The following CDK14 variants were observed in gnomAD, a reference collection of about 807,000 sequenced individuals.
CDK14 encodes the protein cyclin dependent kinase 14, also known as cyclin-dependent kinase 14.
CDK14 carries 34 observed loss-of-function variants against 60.7 expected under a neutral mutation model. That is an observed-to-expected ratio of 0.56 (90% CI 0.43 to 0.75). The LOEUF is 0.75. Ranked by LOEUF, CDK14 falls within the 30% of genes least tolerant of loss-of-function variation. The pLI, the probability that CDK14 is intolerant of heterozygous loss-of-function variation, is 0.00. For missense variants in CDK14, 482 were observed against 564.1 expected, an observed-to-expected ratio of 0.85 and a Z score of 1.47; for synonymous variants, 197 against 203.7, an observed-to-expected ratio of 0.97 and a Z score of 0.28.
In CDK14 at chr7:90,955,834, T is replaced by C; in HGVS notation, c.947+17T>C. 4.3e-6 allele frequency: 7 copies of C among 1,611,838 alleles called. No homozygotes were observed. Among genetic ancestry groups the C allele is most frequent in the Non-Finnish European group, 5.9e-6 (7 of 1,178,578 alleles). On this transcript the variant is annotated intron_variant, in intron 9 of 14. Transcript: ENST00000380050. ...TGACATGTGGTGAGAAATGGAAGCT[T>C]TACTCTAGCTAATCTATCTGTAGTG...
In CDK14 at chr7:91,010,785, T is replaced by C. The variant is rs1225909218; in HGVS notation, c.1041+26544T>C. ...CTTTCCTTCCTTCTTTCCTTCCTTC[T>C]TTCCCTCCTTCCTTCTTTCCTTCCT... is the stretch of plus-strand genomic sequence containing the variant. On this transcript the variant is annotated intron_variant, in intron 10 of 14. Coordinates refer to ENST00000380050, the MANE Select transcript of CDK14 (RefSeq NM_001287135.2). Among the ~76,000 whole-genome samples, 843 of 130,408 alleles carry C rather than the reference T, an allele frequency of 6.5e-3. 8 individuals carry two copies. The highest frequency in any genetic ancestry group is 0.025 in the African/African-American group (780 of 31,380). The allele number at this position is 130,408 out of a possible 152,430, so 85.6% of individuals were successfully genotyped here.
At position 90,694,782 on chromosome 7, in the gene CDK14, G is replaced by C. The variant is rs759091838; in HGVS notation, c.124-31785G>C. Among the ~76,000 whole-genome samples the C allele has an allele frequency of 1.6e-4, 24 of 152,320 alleles. No homozygotes were observed. In the Middle Eastern group the frequency reaches 0.014, roughly 86 times the overall value. On this transcript the variant is annotated intron_variant, in intron 2 of 14. Coordinates refer to ENST00000380050, the MANE Select transcript of CDK14 (RefSeq NM_001287135.2). The stretch of plus-strand genomic sequence containing the variant: ...TTAAAAATTGAAAATATTCAAATGA[G>C]AACATGCTGAGAAAATATTTCATGG...
chr7:90,701,583 A>G (rs1801787853), intron 2 of CDK14, among the ~76,000 whole-genome samples: 1 of 152,184 alleles, frequency 6.6e-6, no homozygotes, highest in Non-Finnish European at 1.5e-5. Context: ...AAAACAAGAC[A>G]TCTATTAAGT....
intron 5 of CDK14, among the ~76,000 whole-genome samples, chr7:90,836,672 TATTATC>T (rs1394935154): frequency 6.6e-6 from 1 of 152,224 alleles, no homozygotes; most frequent in African/African-American, 2.4e-5. Context: ...CATAGTCATT[TATTATC>T]ATTATCAAGT....
chr7:90,640,991 A>G (rs1800314331), intron 2 of CDK14, among the ~76,000 whole-genome samples: 1 of 152,056 alleles, frequency 6.6e-6, no homozygotes, highest in African/African-American at 2.4e-5. Context: ...AACATATGAA[A>G]AGGTGTTGAA....
At position 91,069,307 on chromosome 7, in the gene CDK14, G is replaced by A. The variant is rs531417866; in HGVS notation, c.1106-10125G>A. On this transcript the variant is annotated intron_variant, in intron 11 of 14. Transcript: ENST00000380050. ...TAATCTCAGCTACTCAGGAGGCTGA[G>A]GCGGGAGGATCGCTTGAGGCCAGGA... Among the ~76,000 whole-genome samples the A allele has an allele frequency of 9.2e-5, 14 of 152,348 alleles. No homozygotes were observed. The South Asian group carries it at 2.5e-3, about 27-fold the overall frequency.
intron 2 of CDK14, among the ~76,000 whole-genome samples, chr7:90,686,549 T>G (rs1309065673): frequency 6.6e-6 from 1 of 152,164 alleles, no homozygotes; most frequent in East Asian, 1.9e-4. Flanking sequence ...CCTGATGACC[T>G]TGTTGAAAAT....
Position 90,658,024 on chromosome 7 carries a change from CT to C in CDK14, c.123+53782del, listed in dbSNP as rs1029376128. ...TGGCTCTCAATTTAGATTTGTCTGA[CT>C]TTTTTTATAATTAGGTTGAGGTTTC... On this transcript the variant is annotated intron_variant, in intron 2 of 14. Coordinates refer to ENST00000380050, the MANE Select transcript of CDK14 (RefSeq NM_001287135.2). Among the ~76,000 whole-genome samples, 4 of 152,180 alleles carry C rather than the reference CT, an allele frequency of 2.6e-5. No homozygotes were observed. In the East Asian group the frequency reaches 5.8e-4, roughly 22 times the overall value.
chr7:90,939,101 C>G (rs368516075), intron 8 of CDK14, among the ~76,000 whole-genome samples: 2 of 152,048 alleles, frequency 1.3e-5, no homozygotes, highest in African/African-American at 4.8e-5. Context: ...GAGTGGATAG[C>G]GAAATAGCAC....
chr7:90,994,290 C>T (rs556555887), intron 10 of CDK14, among the ~76,000 whole-genome samples: 50 of 152,292 alleles, frequency 3.3e-4, no homozygotes, highest in Non-Finnish European at 6.6e-4. Context: ...TCCAAGGGTT[C>T]TTGCCATGTG....
intron 4 of CDK14, among the ~76,000 whole-genome samples, chr7:90,757,617 G>A (rs1207389066): frequency 1.3e-5 from 2 of 148,382 alleles, no homozygotes; most frequent in East Asian, 2.0e-4. Context: ...TTTTGTTTGA[G>A]ACAGGGTCTC....
At chr7:90,653,773 CTCG>C (rs1198048548) in intron 2 of CDK14, among the ~76,000 whole-genome samples, 2 of 152,120 alleles carry the variant, frequency 1.3e-5, no homozygotes, top group African/African-American at 4.8e-5. Context: ...CACCCATTAA[CTCG>C]TCATTTACAT....
intron 2 of CDK14, among the ~76,000 whole-genome samples, chr7:90,634,638 G>A (rs113725677): frequency 1.5e-3 from 235 of 152,138 alleles, no homozygotes; most frequent in African/African-American, 5.3e-3. Context: ...AGTCCTTTGG[G>A]TATATACCCA....
At chr7:90,891,657 T>C (rs1273396498) in intron 6 of CDK14, among the ~76,000 whole-genome samples, 3 of 152,236 alleles carry the variant, frequency 2.0e-5, no homozygotes, top group African/African-American at 7.2e-5. Flanking sequence ...GGATTTCTGT[T>C]GGTCATCTCC....
chr7:90,905,920 A>G (rs1198922702), intron 7 of CDK14, among the ~76,000 whole-genome samples: 2 of 152,104 alleles, frequency 1.3e-5, no homozygotes, highest in African/African-American at 4.8e-5. Flanking sequence ...GACAACCCTT[A>G]TTACTATGTT....
intron 5 of CDK14, among the ~76,000 whole-genome samples, chr7:90,826,096 G>T (rs188616564): frequency 1.3e-5 from 2 of 152,196 alleles, no homozygotes; most frequent in Admixed American, 1.3e-4. Context: ...GAGTTCAACC[G>T]TCAGTAAACT....
At chr7:90,837,791 G>T (rs752296342) in intron 5 of CDK14, among the ~76,000 whole-genome samples, 1 of 152,136 alleles carries the variant, frequency 6.6e-6, no homozygotes, top group African/African-American at 2.4e-5. Context: ...GGGCATATGG[G>T]CACCATCTCT....
At chr7:90,993,504 A>T (rs1198137705) in intron 10 of CDK14, among the ~76,000 whole-genome samples, 1 of 151,790 alleles carries the variant, frequency 6.6e-6, no homozygotes, top group South Asian at 2.1e-4. Context: ...TGGATGAAAA[A>T]TTTTTCTGAA....
intron 3 of CDK14, among the ~76,000 whole-genome samples, chr7:90,733,575 T>G (rs768691805): frequency 2.6e-5 from 4 of 152,196 alleles, no homozygotes; most frequent in Non-Finnish European, 5.9e-5. Context: ...ATTAGTAATG[T>G]CCTTCTTTGT....
Sources: allele counts gnomAD v4.1 joint callset (sites outside exome capture counted in the v4.1 genomes callset), GRCh38; gene constraint gnomAD v4.1.1; transcripts MANE v1.5; gene names NCBI Gene and HGNC (gene_info 2026-07-23, HGNC 2026-07-21).